Variants in SLAIN1 observed in about 807,000 individuals in gnomAD.
SLAIN1 encodes the protein SLAIN motif-containing protein 1.
SLAIN1 carries 17 observed loss-of-function variants against 55.4 expected under a neutral mutation model. The ratio of observed to expected loss-of-function variants is 0.31; its 90% CI spans 0.21 to 0.46. The LOEUF (loss-of-function observed/expected upper bound fraction) is 0.46, where lower values mean the gene tolerates loss of function less well. Among genes scored for constraint, SLAIN1 ranks in the 20% least tolerant of loss-of-function variants. The pLI, the probability that SLAIN1 is intolerant of heterozygous loss-of-function variation, is 1.00. For synonymous variants in SLAIN1, 348 were observed against 337.4 expected, an observed-to-expected ratio of 1.03 and a Z score of -0.35; for missense variants, 682 against 785.1, an observed-to-expected ratio of 0.87 and a Z score of 1.57.
chr13:77,712,019 C>A (rs1383979522), intron 1 of SLAIN1, among the ~76,000 whole-genome samples: 3 of 152,150 alleles, frequency 2.0e-5, no homozygotes, highest in Non-Finnish European at 2.9e-5. Flanking sequence ...ATTTATCACC[C>A]TTTCATGCTT....
intron 5 of SLAIN1, among the ~76,000 whole-genome samples, chr13:77,760,424 T>C (rs1255800260): frequency 6.6e-6 from 1 of 152,228 alleles, no homozygotes; most frequent in Non-Finnish European, 1.5e-5. Context: ...CCTTGTCTTC[T>C]TTTCTGTAAT....
rs2090998088 is a variant in SLAIN1, at chr13:77,698,595, C to G, written c.626+56C>G. ...CCCTGGCCTCGGGGGCTTCGGGCAC[C>G]GGGGAGCGGGGGCGGGGGGCGGACG... On this transcript the variant is annotated intron_variant, in intron 1 of 6. Coordinates refer to ENST00000418532, the MANE Select transcript of SLAIN1 (RefSeq NM_001242868.2). This position sits in a 1 kb window ranked among gnomAD's most constrained non-coding sequence, Gnocchi z 4.1. The G allele has an allele frequency of 3.0e-6, 4 of 1,345,174 alleles. No homozygotes were observed. Among genetic ancestry groups the G allele is most frequent in the Non-Finnish European group, 3.8e-6 (4 of 1,053,002 alleles). The allele number at this position is 1,345,174 out of a possible 1,614,324, so 83.3% of individuals were successfully genotyped here.
chr13:77,698,266 C>G lies in SLAIN1; in HGVS notation c.353C>G (p.Ser118Cys). The G allele has an allele frequency of 7.0e-7, 1 of 1,419,006 alleles. No homozygotes were observed. Among genetic ancestry groups the G allele is most frequent in the Non-Finnish European group, 9.2e-7 (1 of 1,084,322 alleles). The allele number at this position is 1,419,006 out of a possible 1,614,324, so 87.9% of individuals were successfully genotyped here. Residue 118 changes from serine (S) to cysteine (C), a missense_variant, in exon 1 of 7, where the codon TCC (serine) becomes TGC (cysteine). By Grantham distance (112) the Ser-to-Cys change is moderately radical. Around this residue, in one of 3 missense-constraint regions of SLAIN1, gnomAD observed 401 missense variants for 417.3 expected, o/e 0.96. Coordinates refer to ENST00000418532, the MANE Select transcript of SLAIN1 (RefSeq NM_001242868.2). The surrounding 1 kb of genome is among the most constrained non-coding windows in gnomAD (Gnocchi z 4.1). Reference protein sequence around the residue: ...GGSGSGSGGGSSPAFPGTFCL... With the variant: ...GGSGSGSGGGCSPAFPGTFCL... The stretch of plus-strand genomic sequence containing the variant: ...AGCGGTAGTGGCAGCGGCGGTGGCT[C>G]CAGCCCCGCGTTCCCGGGCACCTTC...
Position 77,748,398 on chromosome 13 carries a change from C to CTTTTTT in SLAIN1, c.1258+1564_1258+1569dup, listed in dbSNP as rs934265928. On this transcript the variant is annotated intron_variant, in intron 4 of 6. Coordinates refer to ENST00000418532, the MANE Select transcript of SLAIN1 (RefSeq NM_001242868.2). ...GGCACCTAGAGTTATTTCTCTAAAG[C>CTTTTTT]TTTTTTTTTTTTTTTTTTTTTTTTT... 4.0e-4 allele frequency among the ~76,000 whole-genome samples: 32 copies of CTTTTTT among 79,548 alleles called. No individual in the cohort carries two copies. The East Asian group carries it at 4.3e-3, about 11-fold the overall frequency. 52.2% of individuals were successfully genotyped at this position (79,548 alleles called of 152,430 possible).
intron 4 of SLAIN1, among the ~76,000 whole-genome samples, chr13:77,748,235 A>G (rs1325923154): frequency 1.3e-5 from 2 of 151,992 alleles, no homozygotes; most frequent in African/African-American, 2.4e-5. Context: ...AATTTCTCTT[A>G]CTACCTTGAG....
intron 4 of SLAIN1, among the ~76,000 whole-genome samples, chr13:77,748,918 A>G (rs988299367): frequency 6.6e-6 from 1 of 152,158 alleles, no homozygotes; most frequent in Admixed American, 6.6e-5. Context: ...CTCCACCTAA[A>G]TATATTATAA....
intron 1 of SLAIN1, among the ~76,000 whole-genome samples, chr13:77,718,897 C>T (rs925629940): frequency 6.6e-6 from 1 of 152,064 alleles, no homozygotes; most frequent in Admixed American, 6.6e-5. Flanking sequence ...TGAATACTAT[C>T]CATTACTGTG....
chr13:77,752,782 C>T (rs143401774), intron 4 of SLAIN1, among the ~76,000 whole-genome samples: 1 of 152,302 alleles, frequency 6.6e-6, no homozygotes, highest in East Asian at 1.9e-4. Flanking sequence ...GCATCCAGCA[C>T]AGGAGAAAGG....
chr13:77,711,878 C>A (rs561689104), intron 1 of SLAIN1, among the ~76,000 whole-genome samples: 1 of 152,300 alleles, frequency 6.6e-6, no homozygotes, highest in South Asian at 2.1e-4. Flanking sequence ...TTATCCACCA[C>A]GGTCAAGTCG....
intron 5 of SLAIN1, among the ~76,000 whole-genome samples, chr13:77,755,084 A>G (rs1394972654): frequency 3.9e-5 from 6 of 152,186 alleles, no homozygotes; most frequent in African/African-American, 1.2e-4. Context: ...ATAGAAATAT[A>G]CAATTCTATG....
chr13:77,747,852 G>T (rs1370789559), intron 4 of SLAIN1, among the ~76,000 whole-genome samples: 1 of 152,112 alleles, frequency 6.6e-6, no homozygotes, highest in Non-Finnish European at 1.5e-5. Flanking sequence ...CACACTTGCA[G>T]AAGTTGGACT....
At position 77,763,336 on chromosome 13, in the gene SLAIN1, A is replaced by G. The variant is rs1209093557; in HGVS notation, c.*116A>G. 1 of 750,674 alleles carries G rather than the reference A, an allele frequency of 1.3e-6. No individual in the cohort carries two copies. Among genetic ancestry groups the G allele is most frequent in the Non-Finnish European group, 2.2e-6 (1 of 449,166 alleles). 46.5% of individuals were successfully genotyped at this position (750,674 alleles called of 1,614,324 possible). A position where few individuals can be genotyped will look rare whatever the true frequency, so the allele number is the denominator to read the frequency against. On this transcript the variant is annotated 3_prime_UTR_variant, in exon 7 of 7. Transcript: ENST00000418532. ...TTCTTTCCCTTTTGTGTTTTAATATATTTACTGCATTGTTTCTCAATGGAC... is the reference window on the plus strand; with the variant it reads ...TTCTTTCCCTTTTGTGTTTTAATATGTTTACTGCATTGTTTCTCAATGGAC...
At chr13:77,745,721 T>A (rs1015811491) in intron 3 of SLAIN1, among the ~76,000 whole-genome samples, 3 of 152,166 alleles carry the variant, frequency 2.0e-5, no homozygotes, top group Non-Finnish European at 4.4e-5. Flanking sequence ...CAGGATTTAA[T>A]AGATACATTT....
intron 2 of SLAIN1, among the ~76,000 whole-genome samples, chr13:77,738,191 C>T (rs1873227145): frequency 6.7e-6 from 1 of 150,120 alleles, no homozygotes; most frequent in Non-Finnish European, 1.5e-5. Flanking sequence ...GCACTACACA[C>T]ACACCCACAC....
At chr13:77,752,706 A>T (rs1384006964) in intron 4 of SLAIN1, among the ~76,000 whole-genome samples, 3 of 152,186 alleles carry the variant, frequency 2.0e-5, no homozygotes, top group Non-Finnish European at 2.9e-5. Flanking sequence ...ATCCTGGCAA[A>T]CCACTGATGT....
chr13:77,709,195 C>T (rs1201687854), intron 1 of SLAIN1, among the ~76,000 whole-genome samples: 2 of 151,812 alleles, frequency 1.3e-5, no homozygotes, highest in East Asian at 3.9e-4. Context: ...TGAAATAAAG[C>T]ATGAAGACAA....
In SLAIN1 at chr13:77,763,683, T is replaced by C. The variant is rs1191038587; in HGVS notation, c.*463T>C. On this transcript the variant is annotated 3_prime_UTR_variant, in exon 7 of 7. Transcript: ENST00000418532. ...TTTTTTATAGTTTACAGGAATTTTATTTTTTGTGCCTATTTCTTTTTACAC... is the reference window on the plus strand; with the variant it reads ...TTTTTTATAGTTTACAGGAATTTTACTTTTTGTGCCTATTTCTTTTTACAC... 1 of 153,758 alleles carries C rather than the reference T, an allele frequency of 6.5e-6. No individual in the cohort carries two copies. The highest frequency in any genetic ancestry group is 1.5e-5 in the Non-Finnish European group (1 of 68,798). 9.5% of individuals were successfully genotyped at this position (153,758 alleles called of 1,614,324 possible).
At chr13:77,711,909 G>A (rs2091155195) in intron 1 of SLAIN1, among the ~76,000 whole-genome samples, 1 of 152,138 alleles carries the variant, frequency 6.6e-6, no homozygotes, top group South Asian at 2.1e-4. Context: ...CGGGATGCAG[G>A]GCTGGTTCAA....
intron 1 of SLAIN1, among the ~76,000 whole-genome samples, chr13:77,710,831 A>G (rs778892671): frequency 6.6e-6 from 1 of 152,176 alleles, no homozygotes; most frequent in Non-Finnish European, 1.5e-5. Context: ...TGACCACATA[A>G]TTGGAAGTAA....
Sources: gnomAD v4.1 joint callset for allele counts (sites outside exome capture counted in the v4.1 genomes callset) on GRCh38, gnomAD v4.1.1 for gene constraint, gnomAD v4.1.1 regional missense constraint, Gnocchi (gnomAD v3.1) non-coding constraint, MANE v1.5 for transcripts, NCBI Gene and HGNC (gene_info 2026-07-23, HGNC 2026-07-21) for gene names.